FBXO9: variants seen among roughly 807,000 people sequenced by gnomAD.
FBXO9 encodes the protein F-box protein 9.
In FBXO9, 43 loss-of-function variants were observed where a neutral mutation model predicts 63.7. The ratio of observed to expected loss-of-function variants is 0.67; its 90% confidence interval spans 0.53 to 0.87. FBXO9 has a LOEUF of 0.87. FBXO9 is among the 40% of genes least tolerant of loss of function. FBXO9 has a pLI of 0.00. For synonymous variants in FBXO9, 156 were observed against 171.7 expected (o/e 0.91, Z 0.72); for missense variants, 442 against 533.2 (o/e 0.83, Z 1.68).
Position 53,076,534 on chromosome 6 carries a change from C to G in FBXO9, c.298C>G (p.Leu100Val), listed in dbSNP as rs775366099. 1.3e-6 allele frequency: 2 copies of G among 1,541,712 alleles called. No individual in the cohort carries two copies. Among genetic ancestry groups the G allele is most frequent in the African/African-American group, 1.4e-5 (1 of 70,212 alleles). ...AGTAGAAGAAGAACAAAATGGAGCT[C>G]TCTATGAAGGTAAAAATTCAGAGCC... ...KAVEEEQNGA[L>V]YEAIKFYRRA... The change falls in exon 4 of 13, where the codon CTC (leucine) becomes GTC (valine). Residue 100 changes from leucine to valine, a missense_variant. Around this residue, in one of 2 missense-constraint regions of FBXO9, gnomAD observed 180 missense variants for 171.1 expected, o/e 1.05. Transcript: ENST00000323557.
chr6:53,084,777 G>GT lies in FBXO9; in HGVS notation c.653+2169dup, dbSNP rs544886737. 1.2e-3 allele frequency among the ~76,000 whole-genome samples: 184 copies of GT among 148,862 alleles called. 1 individual carries two copies. In the East Asian group the frequency reaches 0.026, roughly 21 times the overall value. ...TGTGGATAACAACAGGTGTATTGCAGTTTTTTTTTTAAGAAACGTTTTTTT... is the reference window on the plus strand; with the variant it reads ...TGTGGATAACAACAGGTGTATTGCAGTTTTTTTTTTTAAGAAACGTTTTTTT... On this transcript the variant is annotated intron_variant, in intron 7 of 12. Transcript: ENST00000323557.
In FBXO9 at chr6:53,073,696, T is replaced by C. The variant is rs1275155746; in HGVS notation, c.249+57T>C. 1.2e-5 allele frequency: 17 copies of C among 1,403,642 alleles called. No individual in the cohort carries two copies. In the Admixed American group the frequency reaches 3.0e-4, roughly 25 times the overall value. The allele number at this position is 1,403,642 out of a possible 1,614,324, so 86.9% of individuals were successfully genotyped here. On this transcript the variant is annotated intron_variant, in intron 3 of 12. Coordinates refer to ENST00000323557, the MANE Select transcript of FBXO9 (RefSeq NM_033480.3). ...TTTTTTTTTTTTTGGCACATGGAAA[T>C]TTTCACTGACACAGTAAGTAGGCAT...
At chr6:53,092,701 A>G (rs768751194) in intron 8 of FBXO9, 33 bp from the exon 9 acceptor site, 24 of 1,514,382 alleles carry the variant, frequency 1.6e-5, no homozygotes, top group Admixed American at 1.8e-5. Flanking sequence ...TCTGAATATT[A>G]TAATTTTTAA....
In FBXO9 at chr6:53,097,926, GTATA is replaced by G. The variant is rs57607929; in HGVS notation, c.*142_*145del. On this transcript the variant is annotated 3_prime_UTR_variant, in exon 13 of 13. Coordinates refer to ENST00000323557, the MANE Select transcript of FBXO9 (RefSeq NM_033480.3). ...TAAATGTGTGTGTGTGCGTGTGTGT[GTATA>G]TATATATATATATATATATATATAT... The G allele has an allele frequency of 0.093, 8,164 of 88,244 alleles. 1,148 individuals carry two copies. Among genetic ancestry groups the G allele is most frequent in the African/African-American group, 0.14 (2,513 of 18,038 alleles). 5.5% of individuals were successfully genotyped at this position (88,244 alleles called of 1,614,324 possible). A position where few individuals can be genotyped will look rare whatever the true frequency, so the allele number is the denominator to read the frequency against.
intron 6 of FBXO9, 63 bp from the exon 7 acceptor site, chr6:53,082,441 A>C: frequency 9.6e-7 from 1 of 1,043,316 alleles, no homozygotes; most frequent in Non-Finnish European, 1.5e-6. Flanking sequence ...ATGTACTGGG[A>C]ATGTAGTTGT....
At chr6:53,093,854 AT>A in intron 10 of FBXO9, 30 bp from the exon 11 acceptor site, 1 of 1,467,826 alleles carries the variant, frequency 6.8e-7, no homozygotes, top group Non-Finnish European at 9.2e-7. Flanking sequence ...TTAATAACTG[AT>A]TTAGATTCAA....
At chr6:53,080,010 C>T (rs1003559257) in intron 5 of FBXO9, among the ~76,000 whole-genome samples, 1 of 152,004 alleles carries the variant, frequency 6.6e-6, no homozygotes, top group Non-Finnish European at 1.5e-5. Context: ...TGGGTAGAGT[C>T]GTTTAGACTC....
rs1426941210 is a variant in FBXO9, at chr6:53,100,643, C to G, written c.*2813C>G. Reference sequence around the variant, plus strand: ...AATCCCAGGCCCTCTACTAACCACTCTCAACCTATGGTATTTATCTTTTGA... The same window carrying G: ...AATCCCAGGCCCTCTACTAACCACTGTCAACCTATGGTATTTATCTTTTGA... On this transcript the variant is annotated 3_prime_UTR_variant, in exon 13 of 13. Coordinates refer to ENST00000323557, the MANE Select transcript of FBXO9 (RefSeq NM_033480.3). 1 of 152,124 alleles carries G rather than the reference C, an allele frequency of 6.6e-6. No individual in the cohort carries two copies. The highest frequency in any genetic ancestry group is 1.5e-5 in the Non-Finnish European group (1 of 68,030). 9.4% of individuals were successfully genotyped at this position (152,124 alleles called of 1,614,324 possible). A position where few individuals can be genotyped will look rare whatever the true frequency, so the allele number is the denominator to read the frequency against.
chr6:53,067,609 G>C (rs1562061201), intron 1 of FBXO9, among the ~76,000 whole-genome samples: 1 of 152,138 alleles, frequency 6.6e-6, no homozygotes, highest in Non-Finnish European at 1.5e-5. Context: ...CTAGGCAAGA[G>C]TTAGAAAACT....
At chr6:53,081,679 T>G (rs775421036) in intron 6 of FBXO9, among the ~76,000 whole-genome samples, 1 of 152,204 alleles carries the variant, frequency 6.6e-6, no homozygotes, top group African/African-American at 2.4e-5. Context: ...TCTGAGTTGT[T>G]GAGGTAGCCC....
At chr6:53,086,146 T>C (rs1487857674) in intron 7 of FBXO9, among the ~76,000 whole-genome samples, 2 of 151,666 alleles carry the variant, frequency 1.3e-5, no homozygotes, top group Admixed American at 6.6e-5. Context: ...TGAAACTACA[T>C]CTCAAAAAAA....
intron 4 of FBXO9, among the ~76,000 whole-genome samples, chr6:53,077,474 A>G (rs1377832440): frequency 1.2e-4 from 2 of 17,302 alleles, no homozygotes; most frequent in Admixed American, 6.5e-4. Context: ...CTCCGTCTCA[A>G]AAAAAAAAAA....
rs923493958 is a variant in FBXO9 at position 53,099,401 on chromosome 6, AATG to A, written c.*1577_*1579del. 5.9e-5 allele frequency: 9 copies of A among 151,896 alleles called. No homozygotes were observed. The highest frequency in any genetic ancestry group is 2.0e-4 in the Admixed American group (3 of 15,230). 9.4% of individuals were successfully genotyped at this position (151,896 alleles called of 1,614,324 possible). ...CAGTGAGACCCTATCTCAAAAAAAT[AATG>A]ATGATAGTACACGTTATGTTAAAGG... is the stretch of plus-strand genomic sequence containing the variant. On this transcript the variant is annotated 3_prime_UTR_variant, in exon 13 of 13. Transcript: ENST00000323557.
upstream of FBXO9, chr6:53,065,020 A>G (rs957477136): frequency 1.3e-5 from 2 of 152,238 alleles, no homozygotes; most frequent in African/African-American, 4.8e-5. Flanking sequence ...TGTGCTCTCA[A>G]AAACTTTAGT....
intron 7 of FBXO9, among the ~76,000 whole-genome samples, chr6:53,085,355 A>G (rs1769448185): frequency 6.6e-6 from 1 of 152,178 alleles, no homozygotes; most frequent in African/African-American, 2.4e-5. Flanking sequence ...TTTTCCATAA[A>G]CAGCAGTTTT....
intron 12 of FBXO9, 43 bp from the exon 13 acceptor site, chr6:53,097,679 T>C: frequency 8.5e-7 from 1 of 1,177,206 alleles, no homozygotes; most frequent in African/African-American, 1.5e-5. Flanking sequence ...TTAAATGAAT[T>C]GAAATTTCCT....
intron 5 of FBXO9, among the ~76,000 whole-genome samples, chr6:53,080,755 A>T (rs2127493336): frequency 6.6e-6 from 1 of 152,344 alleles, no homozygotes; most frequent in East Asian, 1.9e-4. Flanking sequence ...TTCTTTCTGG[A>T]TGATAATTAC....
Position 53,065,776 on chromosome 6 carries a change from GCCGCC to G in FBXO9, c.-8_-4del, listed in dbSNP as rs1428386121. 1.4e-6 allele frequency: 2 copies of G among 1,389,532 alleles called. No homozygotes were observed. The highest frequency in any genetic ancestry group is 1.9e-6 in the Non-Finnish European group (2 of 1,071,768). The allele number at this position is 1,389,532 out of a possible 1,614,324, so 86.1% of individuals were successfully genotyped here. ...ACGGAGAGCCCCTCGAGCGCAGCAG[GCCGCC>G]CCGCCAGCATGGTAACCTGGCCAGG... On this transcript the variant is annotated 5_prime_UTR_variant, in exon 1 of 13. Transcript: ENST00000323557.
intron 1 of FBXO9, among the ~76,000 whole-genome samples, chr6:53,070,521 TTG>T (rs1054106729): frequency 1.1e-4 from 16 of 151,974 alleles, no homozygotes; most frequent in South Asian, 4.1e-4. Flanking sequence ...TCAAAAATAT[TTG>T]GGGGAAAAAA....
Sources: gnomAD v4.1 joint callset for allele counts (sites outside exome capture counted in the v4.1 genomes callset) on GRCh38, gnomAD v4.1.1 for gene constraint, gnomAD v4.1.1 regional missense constraint, MANE v1.5 for transcripts, NCBI Gene and HGNC (gene_info 2026-07-23, HGNC 2026-07-21) for gene names.